Variants in DLGAP1 observed in about 807,000 individuals in gnomAD.
DLGAP1 encodes disks large-associated protein 1.
Under a neutral mutation model 90.8 loss-of-function variants are expected in DLGAP1, and 11 were observed. That is an observed-to-expected ratio of 0.12 (90% confidence interval 0.08 to 0.20). The LOEUF (loss-of-function observed/expected upper bound fraction) is 0.20, where lower values mean the gene tolerates loss of function less well. Ranked by LOEUF, DLGAP1 falls within the 10% of genes least tolerant of loss-of-function variation. The pLI, the probability that DLGAP1 is intolerant of heterozygous loss-of-function variation, is 1.00. For synonymous variants in DLGAP1, 558 were observed against 540.7 expected (o/e 1.03, Z -0.44); for missense variants, 1,050 against 1,333.8 (o/e 0.79, Z 3.31).
At chr18:4,287,146 T>C (rs543509863) in intron 1 of DLGAP1, among the ~76,000 whole-genome samples, 3 of 152,334 alleles carry the variant, frequency 2.0e-5, no homozygotes, top group African/African-American at 4.8e-5. Flanking sequence ...CAGTCTGGTA[T>C]AGCCAGAGCT....
intron 1 of DLGAP1, among the ~76,000 whole-genome samples, chr18:4,171,631 C>G (rs1437812830): frequency 6.6e-6 from 1 of 151,716 alleles, no homozygotes; most frequent in Non-Finnish European, 1.5e-5. Context: ...AAAGCCCACT[C>G]AGCAGTTGAG....
intron 5 of DLGAP1, chr18:3,771,176 C>G (rs999149345): frequency 6.6e-6 from 1 of 152,238 alleles, no homozygotes; most frequent in Non-Finnish European, 1.5e-5. Context: ...TGCACGAGCT[C>G]AGGGCAGCAA....
intron 2 of DLGAP1, among the ~76,000 whole-genome samples, chr18:4,142,983 TG>T (rs2144325573): frequency 6.6e-6 from 1 of 152,278 alleles, no homozygotes; most frequent in South Asian, 2.1e-4. Flanking sequence ...TCTTTCTCTG[TG>T]CTGAGCTGCC....
rs1013736054 is a variant in DLGAP1 at position 3,565,031 on chromosome 18, C to A, written c.2057+2459G>T. Among the ~76,000 whole-genome samples, 11 of 152,164 alleles carry A rather than the reference C, an allele frequency of 7.2e-5. No individual in the cohort carries two copies. Among genetic ancestry groups the A allele is most frequent in the African/African-American group, 2.7e-4 (11 of 41,444 alleles). On this transcript the variant is annotated intron_variant, in intron 9 of 12. Coordinates refer to ENST00000315677, the MANE Select transcript of DLGAP1 (RefSeq NM_004746.4). This position sits in a 1 kb window ranked among gnomAD's most constrained non-coding sequence, Gnocchi z 4.0. ...AAGATGGGTAGTAATTTGCTTATGGCCCCTCAGTTAGTAAGGGGCACAGCC... is the reference window on the plus strand; with the variant it reads ...AAGATGGGTAGTAATTTGCTTATGGACCCTCAGTTAGTAAGGGGCACAGCC...
intron 1 of DLGAP1, among the ~76,000 whole-genome samples, chr18:4,387,463 C>A (rs568790895): frequency 1.3e-5 from 2 of 152,152 alleles, no homozygotes; most frequent in Admixed American, 1.3e-4. Flanking sequence ...AATAAATACA[C>A]TTCATTTTAA....
At chr18:4,452,517 A>C (rs2083860074) in intron 1 of DLGAP1, among the ~76,000 whole-genome samples, 1 of 152,190 alleles carries the variant, frequency 6.6e-6, no homozygotes, top group Admixed American at 6.5e-5. Context: ...GAACAAAGGC[A>C]CACATATTTA....
intron 4 of DLGAP1, among the ~76,000 whole-genome samples, chr18:3,868,525 C>A (rs1308947988): frequency 6.6e-6 from 1 of 152,102 alleles, no homozygotes; most frequent in Middle Eastern, 3.2e-3. Flanking sequence ...CCTGGGATGG[C>A]CTACAGAGTC....
chr18:3,717,062 T>A (rs902603313), intron 7 of DLGAP1, among the ~76,000 whole-genome samples: 3 of 134,074 alleles, frequency 2.2e-5, no homozygotes, highest in Non-Finnish European at 3.2e-5. Context: ...TTTTTTTTTT[T>A]AGTGGAAATT....
rs532135642 is a variant in DLGAP1, at chr18:3,628,580, G to A, written c.1592-46332C>T. On this transcript the variant is annotated intron_variant, in intron 7 of 12. Transcript: ENST00000315677. ...TCCGAGCCTGCAGTTCACATTCCCC[G>A]TGCATCTTTTCCCTGTTACAAACCC... 8.0e-4 allele frequency among the ~76,000 whole-genome samples: 121 copies of A among 152,146 alleles called. No individual in the cohort carries two copies. The Middle Eastern group carries it at 0.02, about 26-fold the overall frequency.
chr18:3,722,758 T>C (rs946974684), intron 7 of DLGAP1, among the ~76,000 whole-genome samples: 1 of 152,194 alleles, frequency 6.6e-6, no homozygotes, highest in African/African-American at 2.4e-5. Flanking sequence ...AACAAGGATC[T>C]ATTAATTAAC....
chr18:4,183,423 T>G (rs1186556788), intron 1 of DLGAP1, among the ~76,000 whole-genome samples: 1 of 152,146 alleles, frequency 6.6e-6, no homozygotes, highest in African/African-American at 2.4e-5. Flanking sequence ...CATTTCATTG[T>G]ATATTATTTC....
chr18:4,008,863 A>C (rs2074358506), intron 2 of DLGAP1, among the ~76,000 whole-genome samples: 1 of 152,184 alleles, frequency 6.6e-6, no homozygotes, highest in South Asian at 2.1e-4. Context: ...CTGCTGATGA[A>C]GCCTTGCTAC....
At chr18:3,567,193 A>G (rs2054484754) in intron 9 of DLGAP1, among the ~76,000 whole-genome samples, 1 of 152,174 alleles carries the variant, frequency 6.6e-6, no homozygotes, top group Non-Finnish European at 1.5e-5. Context: ...TCATATGGGA[A>G]GGTCTCTTAT....
chr18:4,289,239 T>C (rs1167664896), intron 1 of DLGAP1, among the ~76,000 whole-genome samples: 1 of 151,980 alleles, frequency 6.6e-6, no homozygotes, highest in African/African-American at 2.4e-5. Context: ...TTGTCTAGGG[T>C]GGAAGGGAGG....
At chr18:3,659,724 C>T (rs1357689138) in intron 7 of DLGAP1, among the ~76,000 whole-genome samples, 2 of 152,082 alleles carry the variant, frequency 1.3e-5, no homozygotes, top group Non-Finnish European at 2.9e-5. Context: ...CCTGACCACA[C>T]CCAGCTAAGT....
At chr18:3,848,305 G>C (rs1452468267) in intron 4 of DLGAP1, among the ~76,000 whole-genome samples, 1 of 151,988 alleles carries the variant, frequency 6.6e-6, no homozygotes, top group Non-Finnish European at 1.5e-5. Flanking sequence ...GCAGTAGGGA[G>C]GAGGGAGGAG....
At chr18:4,236,493 T>C (rs982321802) in intron 1 of DLGAP1, among the ~76,000 whole-genome samples, 3 of 152,206 alleles carry the variant, frequency 2.0e-5, no homozygotes, top group African/African-American at 4.8e-5. Flanking sequence ...GCTTAGGAAT[T>C]TGTTCACTTA....
chr18:3,595,241 G>T (rs1428264837), intron 7 of DLGAP1, among the ~76,000 whole-genome samples: 2 of 152,194 alleles, frequency 1.3e-5, no homozygotes, highest in African/African-American at 4.8e-5. Flanking sequence ...AAGGGGTTCA[G>T]ATCAAAGTAA....
chr18:3,962,663 C>A (rs2073227165), intron 3 of DLGAP1, among the ~76,000 whole-genome samples: 1 of 152,136 alleles, frequency 6.6e-6, no homozygotes, highest in African/African-American at 2.4e-5. Flanking sequence ...TCTTCCCATT[C>A]TTTCCATCCC....
Sources: gnomAD v4.1 joint callset for allele counts (sites outside exome capture counted in the v4.1 genomes callset) on GRCh38, gnomAD v4.1.1 for gene constraint, Gnocchi (gnomAD v3.1) non-coding constraint, MANE v1.5 for transcripts, NCBI Gene and HGNC (gene_info 2026-07-23, HGNC 2026-07-21) for gene names.